Variants in RHOH observed in about 807,000 individuals in gnomAD.
RHOH encodes the protein rho-related GTP-binding protein RhoH.
Under a neutral mutation model 13.8 loss-of-function variants are expected in RHOH, and 6 were observed. The ratio of observed to expected loss-of-function variants is 0.44; its 90% CI spans 0.24 to 0.86. The LOEUF is 0.86. Among genes scored for constraint, RHOH ranks in the 40% least tolerant of loss-of-function variants. The pLI is 0.24. For missense variants in RHOH, 147 were observed against 244.5 expected, an observed-to-expected ratio of 0.60 and a Z score of 2.66; for synonymous variants, 117 against 103.0, an observed-to-expected ratio of 1.14 and a Z score of -0.82.
At chr4:40,239,158 A>C (rs1560286339) in intron 1 of RHOH, among the ~76,000 whole-genome samples, 1 of 152,212 alleles carries the variant, frequency 6.6e-6, no homozygotes, top group Non-Finnish European at 1.5e-5. Context: ...TATTCACTGC[A>C]GCAGGTAATA....
At position 40,218,526 on chromosome 4, in the gene RHOH, G is replaced by A. The variant is rs1223099210; in HGVS notation, c.-331+21226G>A. On this transcript the variant is annotated intron_variant, in intron 1 of 2. Coordinates refer to ENST00000381799, the MANE Select transcript of RHOH (RefSeq NM_004310.5). The surrounding 1 kb of genome is among the most constrained non-coding windows in gnomAD (Gnocchi z 4.1). ...TTTGCAGGCATGCCAAAAAATGCAG[G>A]GCCAAGGCTGGGGGTGGAGAGGTAA... Among the ~76,000 whole-genome samples the A allele has an allele frequency of 6.6e-6, 1 of 152,148 alleles. No homozygotes were observed. Among genetic ancestry groups the A allele is most frequent in the Non-Finnish European group, 1.5e-5 (1 of 68,022 alleles).
At chr4:40,226,137 A>G (rs1325701233) in intron 1 of RHOH, among the ~76,000 whole-genome samples, 1 of 152,202 alleles carries the variant, frequency 6.6e-6, no homozygotes, top group African/African-American at 2.4e-5. Context: ...TTAAAAAAAA[A>G]ATCCTGCAAA....
intron 1 of RHOH, among the ~76,000 whole-genome samples, chr4:40,216,161 T>C (rs1725858388): frequency 6.6e-6 from 1 of 151,228 alleles, no homozygotes; most frequent in African/African-American, 2.4e-5. Flanking sequence ...TTTAGCTCTT[T>C]GATACTTTTA....
intron 1 of RHOH, among the ~76,000 whole-genome samples, chr4:40,203,384 T>TG (rs2109366730): frequency 1.3e-5 from 2 of 152,350 alleles, no homozygotes; most frequent in Admixed American, 1.3e-4. Flanking sequence ...GTCTAGAGGT[T>TG]GGCAGGAATA....
intron 1 of RHOH, among the ~76,000 whole-genome samples, chr4:40,197,611 A>C (rs1723361844): frequency 6.6e-6 from 1 of 152,330 alleles, no homozygotes; most frequent in Non-Finnish European, 1.5e-5. Context: ...GGGTAGTTTA[A>C]ATACTACCCA....
At chr4:40,229,111 C>T (rs907470282) in intron 1 of RHOH, among the ~76,000 whole-genome samples, 17 of 152,056 alleles carry the variant, frequency 1.1e-4, no homozygotes, top group African/African-American at 2.2e-4. Context: ...TGTATTGAAG[C>T]GCAAGATTTT....
intron 1 of RHOH, among the ~76,000 whole-genome samples, chr4:40,201,366 G>GAA: frequency 1.5e-5 from 2 of 136,976 alleles, no homozygotes; most frequent in African/African-American, 2.7e-5. Flanking sequence ...TGATTTCAAT[G>GAA]AAAAAAAAAA....
chr4:40,197,856 T>G, intron 1 of RHOH, among the ~76,000 whole-genome samples: 1 of 152,294 alleles, frequency 6.6e-6, no homozygotes. Flanking sequence ...GGTGGTTTGA[T>G]TTGGAGATAT....
chr4:40,219,611 G>T (rs887313269), intron 1 of RHOH, among the ~76,000 whole-genome samples: 1 of 152,042 alleles, frequency 6.6e-6, no homozygotes, highest in Non-Finnish European at 1.5e-5. Context: ...TGTTACTATA[G>T]GCATGTAATC....
chr4:40,196,093 G>A (rs556840500), upstream of RHOH, among the ~76,000 whole-genome samples: 2 of 152,208 alleles, frequency 1.3e-5, no homozygotes, highest in African/African-American at 4.8e-5. Context: ...ATAATCAGAG[G>A]GGTTTAAAAT....
rs1193858780 is a variant in RHOH at position 40,243,359 on chromosome 4, C to A, written c.-28C>A. ...GGGCTCTTTTCCCTGGGATTCTGGA[C>A]TTCAGAGTAGGACAGCAGGCTGGGA... On this transcript the variant is annotated 5_prime_UTR_variant, in exon 3 of 3. Coordinates refer to ENST00000381799, the MANE Select transcript of RHOH (RefSeq NM_004310.5). This position sits in a 1 kb window ranked among gnomAD's most constrained non-coding sequence, Gnocchi z 6.2. 4 of 1,542,750 alleles carry A rather than the reference C, an allele frequency of 2.6e-6. No individual in the cohort carries two copies. Among genetic ancestry groups the A allele is most frequent in the Non-Finnish European group, 3.5e-6 (4 of 1,143,642 alleles).
Position 40,244,111 on chromosome 4 carries a change from C to G in RHOH, c.*149C>G. ...GGATACAGTTATTGATGAGGCTTGG[C>G]CACTGGATGTTTTCACTAACTACAC... On this transcript the variant is annotated 3_prime_UTR_variant, in exon 3 of 3. Transcript: ENST00000381799. 1.6e-6 allele frequency: 1 copy of G among 636,952 alleles called. No individual in the cohort carries two copies. Among genetic ancestry groups the G allele is most frequent in the Non-Finnish European group, 2.7e-6 (1 of 368,128 alleles). 39.5% of individuals were successfully genotyped at this position (636,952 alleles called of 1,614,324 possible). A position where few individuals can be genotyped will look rare whatever the true frequency, so the allele number is the denominator to read the frequency against.
At chr4:40,228,047 A>G (rs1727459801) in intron 1 of RHOH, among the ~76,000 whole-genome samples, 1 of 152,324 alleles carries the variant, frequency 6.6e-6, no homozygotes, top group African/African-American at 2.4e-5. Context: ...CAATGTTGCT[A>G]TAGTGAAAAT....
chr4:40,192,155 T>C (rs115673260), upstream of RHOH, among the ~76,000 whole-genome samples: 1,316 of 152,340 alleles, frequency 8.6e-3, 20 homozygotes, highest in African/African-American at 0.03. Flanking sequence ...GGATATTTTG[T>C]TTTAATACAG....
At chr4:40,232,226 C>G (rs1172713396) in intron 1 of RHOH, among the ~76,000 whole-genome samples, 1 of 87,922 alleles carries the variant, frequency 1.1e-5, no homozygotes, top group Non-Finnish European at 3.0e-5. Context: ...GGATTGGTAA[C>G]AGTTTTTTTA....
At chr4:40,211,916 G>T (rs1434848755) in intron 1 of RHOH, among the ~76,000 whole-genome samples, 1 of 152,168 alleles carries the variant, frequency 6.6e-6, no homozygotes, top group East Asian at 1.9e-4. Flanking sequence ...ATGGTCAAAT[G>T]AAAAGCTGTC....
chr4:40,244,181 G>C lies in RHOH; in HGVS notation c.*219G>C. 2.2e-6 allele frequency: 1 copy of C among 446,710 alleles called. No individual in the cohort carries two copies. Among genetic ancestry groups the C allele is most frequent in the Non-Finnish European group, 4.1e-6 (1 of 245,126 alleles). The allele number at this position is 446,710 out of a possible 1,614,324, so 27.7% of individuals were successfully genotyped here. ...CCCAGGCCAGTTAGAAAATCCCTTG[G>C]GGAACTGTGATGAATATTCCATCTT... is the stretch of plus-strand genomic sequence containing the variant. On this transcript the variant is annotated 3_prime_UTR_variant, in exon 3 of 3. Coordinates refer to ENST00000381799, the MANE Select transcript of RHOH (RefSeq NM_004310.5).
intron 1 of RHOH, among the ~76,000 whole-genome samples, chr4:40,198,107 G>A: frequency 6.6e-6 from 1 of 152,218 alleles, no homozygotes; most frequent in East Asian, 1.9e-4. Context: ...AATTTAGGAA[G>A]CAATGCAAGA....
chr4:40,241,635 A>T (rs1313276163), intron 1 of RHOH, among the ~76,000 whole-genome samples: 1 of 152,180 alleles, frequency 6.6e-6, no homozygotes, highest in East Asian at 1.9e-4. Context: ...CACACCTGTA[A>T]TCCCAACACT....
Sources: gnomAD v4.1 joint callset for allele counts (sites outside exome capture counted in the v4.1 genomes callset) on GRCh38, gnomAD v4.1.1 for gene constraint, Gnocchi (gnomAD v3.1) non-coding constraint, MANE v1.5 for transcripts, NCBI Gene and HGNC (gene_info 2026-07-23, HGNC 2026-07-21) for gene names.